Variants in FRMD4A observed in about 807,000 individuals in gnomAD.
FRMD4A encodes FERM domain-containing protein 4A.
FRMD4A carries 29 observed loss-of-function variants against 129.1 expected under a neutral mutation model. That is an observed-to-expected ratio of 0.22 (90% CI 0.17 to 0.31). The LOEUF is 0.31. FRMD4A is among the 10% of genes least tolerant of loss of function. The pLI, the probability that FRMD4A is intolerant of heterozygous loss-of-function variation, is 1.00. For missense variants in FRMD4A, 1,272 were observed against 1,375.8 expected, an observed-to-expected ratio of 0.92 and a Z score of 1.19; for synonymous variants, 634 against 571.6, an observed-to-expected ratio of 1.11 and a Z score of -1.56.
intron 2 of FRMD4A, among the ~76,000 whole-genome samples, chr10:14,205,919 T>G (rs188987879): frequency 2.6e-5 from 4 of 151,958 alleles, no homozygotes; most frequent in African/African-American, 7.2e-5. Context: ...TAAAGTAGCC[T>G]CTCAAGGTCC....
intron 2 of FRMD4A, among the ~76,000 whole-genome samples, chr10:14,110,397 G>T (rs1837837607): frequency 1.3e-5 from 2 of 152,124 alleles, no homozygotes; most frequent in Admixed American, 1.3e-4. Context: ...TGTGGAAACG[G>T]GGGTGCTGAC....
intron 5 of FRMD4A, among the ~76,000 whole-genome samples, chr10:13,795,925 C>T (rs763827477): frequency 3.1e-4 from 47 of 152,148 alleles, no homozygotes; most frequent in Non-Finnish European, 4.9e-4. Context: ...GTTCCCTTTG[C>T]AAGCACAAAA....
intron 4 of FRMD4A, among the ~76,000 whole-genome samples, chr10:13,806,360 A>G (rs752949292): frequency 2.6e-5 from 4 of 152,236 alleles, no homozygotes; most frequent in Admixed American, 6.5e-5. Flanking sequence ...AAATGTAAAA[A>G]TGAGTTTCTC....
chr10:13,832,318 C>T (rs1159969803), intron 3 of FRMD4A, among the ~76,000 whole-genome samples: 1 of 152,206 alleles, frequency 6.6e-6, no homozygotes, highest in Admixed American at 6.5e-5. Context: ...GTCCACTGCC[C>T]TCTTAGGATT....
At chr10:14,230,251 G>A (rs1843592309) in intron 2 of FRMD4A, among the ~76,000 whole-genome samples, 1 of 152,128 alleles carries the variant, frequency 6.6e-6, no homozygotes, top group South Asian at 2.1e-4. Flanking sequence ...ACCAAATTTA[G>A]GTACCATTTT....
chr10:13,817,748 C>A (rs569143518), intron 3 of FRMD4A, among the ~76,000 whole-genome samples: 1 of 152,302 alleles, frequency 6.6e-6, no homozygotes, highest in South Asian at 2.1e-4. Context: ...GTTCACTAAA[C>A]CTCTTTCCTT....
At chr10:13,856,217 A>AGTGTGTGTGT (rs36225405) in intron 3 of FRMD4A, among the ~76,000 whole-genome samples, 1 of 145,900 alleles carries the variant, frequency 6.9e-6, no homozygotes, top group East Asian at 2.0e-4. Context: ...ATTTTGTGCA[A>AGTGTGTGTGT]GTGTGTGTGT....
intron 2 of FRMD4A, among the ~76,000 whole-genome samples, chr10:14,224,141 T>A (rs1383864232): frequency 6.6e-6 from 1 of 152,096 alleles, no homozygotes; most frequent in East Asian, 1.9e-4. Flanking sequence ...CTCTTTCAAA[T>A]CCGTGCCTCT....
intron 2 of FRMD4A, among the ~76,000 whole-genome samples, chr10:13,946,607 T>A (rs981451641): frequency 2.0e-5 from 3 of 152,074 alleles, no homozygotes; most frequent in African/African-American, 7.2e-5. Flanking sequence ...AATTGCCCAA[T>A]CTTTTCTTTT....
chr10:14,309,850 T>G, intron 2 of FRMD4A, among the ~76,000 whole-genome samples: 1 of 152,122 alleles, frequency 6.6e-6, no homozygotes, highest in East Asian at 1.9e-4. Flanking sequence ...CTCGTTTCCT[T>G]CCTATTTCAA....
intron 24 of FRMD4A, chr10:13,649,602 C>T (rs1192187086): frequency 1.3e-5 from 2 of 152,188 alleles, no homozygotes; most frequent in Non-Finnish European, 2.9e-5. Flanking sequence ...ATGTTTTATA[C>T]AGAATCTTTC....
intron 2 of FRMD4A, among the ~76,000 whole-genome samples, chr10:14,085,784 G>A (rs1337622672): frequency 1.3e-5 from 2 of 152,222 alleles, no homozygotes; most frequent in African/African-American, 4.8e-5. Context: ...GGTCCCAAAT[G>A]TAATTCATGA....
chr10:14,308,657 A>T (rs1322263113), intron 2 of FRMD4A, among the ~76,000 whole-genome samples: 1 of 152,226 alleles, frequency 6.6e-6, no homozygotes, highest in Non-Finnish European at 1.5e-5. Context: ...GTTTAATGAC[A>T]AGAGCATTCT....
intron 2 of FRMD4A, among the ~76,000 whole-genome samples, chr10:13,888,549 T>A (rs1393993452): frequency 6.6e-6 from 1 of 152,230 alleles, no homozygotes; most frequent in Non-Finnish European, 1.5e-5. Flanking sequence ...ACTCCTGTTT[T>A]AGCTCAAGGG....
At chr10:13,957,734 G>A (rs2095418346) in intron 2 of FRMD4A, among the ~76,000 whole-genome samples, 1 of 152,108 alleles carries the variant, frequency 6.6e-6, no homozygotes, top group African/African-American at 2.4e-5. Context: ...TTGAACAAAT[G>A]GCTAGCCCTT....
At chr10:13,992,763 G>C (rs113304563) in intron 2 of FRMD4A, among the ~76,000 whole-genome samples, 1 of 151,998 alleles carries the variant, frequency 6.6e-6, no homozygotes, top group Non-Finnish European at 1.5e-5. Flanking sequence ...AGACCAGCTT[G>C]ACCAAATGGT....
chr10:13,848,949 T>C (rs546689067), intron 3 of FRMD4A, among the ~76,000 whole-genome samples: 3 of 152,358 alleles, frequency 2.0e-5, no homozygotes, highest in African/African-American at 7.2e-5. Flanking sequence ...TTGCGTTATC[T>C]GTCTGTGCTC....
chr10:13,780,843 C>T (rs1367453197), intron 6 of FRMD4A, among the ~76,000 whole-genome samples: 3 of 152,128 alleles, frequency 2.0e-5, no homozygotes, highest in Non-Finnish European at 4.4e-5. Flanking sequence ...TAGGTATATA[C>T]CCTGAACAAC....
At chr10:13,856,233 T>A (rs893591619) in intron 3 of FRMD4A, among the ~76,000 whole-genome samples, 2 of 101,564 alleles carry the variant, frequency 2.0e-5, no homozygotes, top group Non-Finnish European at 4.2e-5. Flanking sequence ...TGTGTGTGTG[T>A]GTGTGTGTGT....
Sources: allele counts gnomAD v4.1 joint callset (sites outside exome capture counted in the v4.1 genomes callset), GRCh38; gene constraint gnomAD v4.1.1; transcripts MANE v1.5; gene names NCBI Gene and HGNC (gene_info 2026-07-23, HGNC 2026-07-21).